ERGIC3: variants seen among roughly 807,000 people sequenced by gnomAD.
The protein encoded by ERGIC3 is endoplasmic reticulum-Golgi intermediate compartment protein 3.
Under a neutral mutation model 54.7 loss-of-function variants are expected in ERGIC3, and 33 were observed. The observed-to-expected ratio is 0.60, with a 90% confidence interval of 0.46 to 0.81. The LOEUF is 0.81. ERGIC3 is among the 30% of genes least tolerant of loss of function. The probability of loss-of-function intolerance (pLI) is 0.00; values close to 1 mark genes in which losing one functional copy is unlikely to be tolerated. For synonymous variants in ERGIC3, 186 were observed against 189.8 expected (o/e 0.98, Z 0.16); for missense variants, 399 against 488.4 (o/e 0.82, Z 1.73).
chr20:35,556,772 T>G, intron 10 of ERGIC3: 1 of 681,758 alleles, frequency 1.5e-6, no homozygotes, highest in Non-Finnish European at 2.5e-6. Context: ...ACTTGGCACC[T>G]GGAGGGGAAG....
intron 4 of ERGIC3, chr20:35,544,014 C>CTA (rs1368054382): frequency 0.047 from 934 of 20,076 alleles, 6 homozygotes; most frequent in Non-Finnish European, 0.058. Context: ...GAAGAATCTA[C>CTA]TATCTATCTA....
At chr20:35,554,794 A>T (rs2064702241) in intron 7 of ERGIC3, 2 of 607,166 alleles carry the variant, frequency 3.3e-6, no homozygotes, top group African/African-American at 3.7e-5. Flanking sequence ...GTCAAGGCAT[A>T]GAGTTCCCTG....
Position 35,547,515 on chromosome 20 carries a change from C to G in ERGIC3, c.461+10C>G, listed in dbSNP as rs224414. On this transcript the variant is annotated intron_variant, in intron 5 of 12. Transcript: ENST00000348547. ...AGGCAGAAGATATCAAGTGAGCTGG[C>G]GGGGAGCGGGAGCAGGGTTCCCATC... is the stretch of plus-strand genomic sequence containing the variant. 1,607,156 of 1,612,650 alleles carry G rather than the reference C, an allele frequency of 1. 800,987 individuals are homozygous for G. Among genetic ancestry groups the G allele is most frequent in the Non-Finnish European group, 1 (1,178,670 of 1,178,964 alleles).
intron 7 of ERGIC3, among the ~76,000 whole-genome samples, chr20:35,551,742 C>T (rs926384411): frequency 6.6e-6 from 1 of 152,214 alleles, no homozygotes; most frequent in Non-Finnish European, 1.5e-5. Flanking sequence ...TCAGATGCTT[C>T]TGGATGTCAA....
In ERGIC3 at chr20:35,542,525, C is replaced by G. The variant is rs1294409247; in HGVS notation, c.172C>G (p.Leu58Val). ...AGCGCTGCCCCAGGTGCATCCTGAG[C>G]TCTACGTGGACAAGTCGCGGGGAGA... ...YYLTTEVHPE[L>V]YVDKSRGDKL... Residue 58 changes from leucine (L) to valine (V), a missense_variant, in exon 3 of 13, where the codon CTC (leucine) becomes GTC (valine). Leu to Val is a conservative substitution (Grantham distance 32). Transcript: ENST00000348547. 2 of 1,613,842 alleles carry G rather than the reference C, an allele frequency of 1.2e-6. No individual in the cohort carries two copies. Among genetic ancestry groups the G allele is most frequent in the East Asian group, 2.2e-5 (1 of 44,882 alleles).
chr20:35,554,307 C>T, intron 7 of ERGIC3: 2 of 1,598,506 alleles, frequency 1.3e-6, no homozygotes, highest in Non-Finnish European at 1.7e-6. Flanking sequence ...ACATATCTTG[C>T]TCTCATAGTT....
chr20:35,555,049 G>A lies in ERGIC3; in HGVS notation c.691G>A (p.Asp231Asn). Residue 231 changes from aspartate to asparagine, a missense_variant, in exon 8 of 13, where the codon GAC becomes AAC. Transcript: ENST00000348547. ...SFQQSHVHVHDLQSFGLDNIN... is the reference protein window; with the variant it reads ...SFQQSHVHVHNLQSFGLDNIN... ...CCTTCTCCCTTCTCTCCTAGTCCAT[G>A]ACTTGCAGAGCTTTGGCCTTGACAA... is the stretch of plus-strand genomic sequence containing the variant. The A allele has an allele frequency of 6.2e-7, 1 of 1,612,168 alleles. No homozygotes were observed. The highest frequency in any genetic ancestry group is 8.5e-7 in the Non-Finnish European group (1 of 1,179,112).
At chr20:35,553,171 ATT>A (rs61579080) in intron 7 of ERGIC3, among the ~76,000 whole-genome samples, 4 of 127,364 alleles carry the variant, frequency 3.1e-5, no homozygotes, top group Non-Finnish European at 3.2e-5. Flanking sequence ...TGCCTGGCTA[ATT>A]TTTTTTTTTT....
intron 10 of ERGIC3, 61 bp downstream of exon 10, chr20:35,556,332 A>G (rs375652868): frequency 4.5e-6 from 7 of 1,572,754 alleles, no homozygotes; most frequent in Middle Eastern, 1.7e-4. Context: ...GAGTTCCTGC[A>G]TTTCGTTCCG....
intron 4 of ERGIC3, chr20:35,544,578 G>A: frequency 3.8e-6 from 1 of 261,352 alleles, no homozygotes; most frequent in South Asian, 5.7e-5. Context: ...TAACACCATG[G>A]CGTGCCGCTC....
At chr20:35,546,722 TG>T (rs1208884693) in intron 4 of ERGIC3, among the ~76,000 whole-genome samples, 1 of 152,128 alleles carries the variant, frequency 6.6e-6, no homozygotes, top group Non-Finnish European at 1.5e-5. Flanking sequence ...AAAGAATTGG[TG>T]GATTTCGGGT....
Position 35,543,098 on chromosome 20 carries a change from C to CA in ERGIC3, c.367+158dup, listed in dbSNP as rs1259343405. 4 of 1,007,822 alleles carry CA rather than the reference C, an allele frequency of 4.0e-6. No homozygotes were observed. The African/African-American group carries it at 6.4e-5, about 16-fold the overall frequency. 62.4% of individuals were successfully genotyped at this position (1,007,822 alleles called of 1,614,324 possible). ...CTAGGGTCCCCCAGCTAGTAAGAGT[C>CA]AGAGTGAGCTAAAATCCTCTATACA... On this transcript the variant is annotated intron_variant, in intron 4 of 12. Coordinates refer to ENST00000348547, the MANE Select transcript of ERGIC3 (RefSeq NM_015966.3).
intron 7 of ERGIC3, 190 bp from the exon 8 acceptor site, chr20:35,554,854 C>A: frequency 1.4e-6 from 1 of 701,984 alleles, no homozygotes; most frequent in Non-Finnish European, 2.6e-6. Flanking sequence ...CTGAGGAGGG[C>A]GTGAACTCTC....
At chr20:35,554,936 T>C (rs753274405) in intron 7 of ERGIC3, 108 bp from the exon 8 acceptor site, 9 of 1,317,508 alleles carry the variant, frequency 6.8e-6, no homozygotes, top group South Asian at 2.4e-5. Flanking sequence ...GGAGAAGGAA[T>C]GAGGGGCAGA....
chr20:35,547,024 G>T (rs1390030570), intron 4 of ERGIC3, among the ~76,000 whole-genome samples: 1 of 152,146 alleles, frequency 6.6e-6, no homozygotes, highest in African/African-American at 2.4e-5. Flanking sequence ...ATACACGTTG[G>T]AATTAGCTGA....
rs1448618430 is a variant in ERGIC3, at chr20:35,556,256, G to C, written c.864G>C (p.Met288Ile). The C allele has an allele frequency of 1.2e-6, 2 of 1,614,042 alleles. No individual in the cohort carries two copies. Among genetic ancestry groups the C allele is most frequent in the Admixed American group, 3.3e-5 (2 of 59,998 alleles). ...YFVKVVPTVY[M>I]KVDGEVLRTN... ...TGAAGGTGGTGCCCACTGTGTACATGAAGGTGGACGGAGAGGTGAGTCAGG... is the reference window on the plus strand; with the variant it reads ...TGAAGGTGGTGCCCACTGTGTACATCAAGGTGGACGGAGAGGTGAGTCAGG... Residue 288 changes from methionine to isoleucine, a missense_variant, in exon 10 of 13, where the codon ATG (methionine) becomes ATC (isoleucine). Coordinates refer to ENST00000348547, the MANE Select transcript of ERGIC3 (RefSeq NM_015966.3).
chr20:35,549,410 GATTT>G (rs2064669820), intron 7 of ERGIC3: 1 of 358,228 alleles, frequency 2.8e-6, no homozygotes, highest in African/African-American at 2.2e-5. Context: ...GAACAAATGA[GATTT>G]ATTCTCATTC....
rs950742082 is a variant in ERGIC3 at position 35,549,011 on chromosome 20, A to T, written c.685+146A>T. ...TCATCTCAGGGCAGCAGTTTGGCACAGTGGCTAAGAGCACAGGCCGAGGAG... is the reference window on the plus strand; with the variant it reads ...TCATCTCAGGGCAGCAGTTTGGCACTGTGGCTAAGAGCACAGGCCGAGGAG... On this transcript the variant is annotated intron_variant, in intron 7 of 12. Coordinates refer to ENST00000348547, the MANE Select transcript of ERGIC3 (RefSeq NM_015966.3). The T allele has an allele frequency of 1.5e-5, 13 of 884,802 alleles. No individual in the cohort carries two copies. In the South Asian group the frequency reaches 1.6e-4, roughly 11 times the overall value. 54.8% of individuals were successfully genotyped at this position (884,802 alleles called of 1,614,324 possible).
intron 7 of ERGIC3, chr20:35,549,230 G>GC (rs1289407277): frequency 2.1e-5 from 10 of 474,670 alleles, no homozygotes; most frequent in Admixed American, 7.0e-5. Context: ...TGAAATGGTA[G>GC]CCCCCCGTGT....
Sources: gnomAD v4.1 joint callset for allele counts (sites outside exome capture counted in the v4.1 genomes callset) on GRCh38, gnomAD v4.1.1 for gene constraint, MANE v1.5 for transcripts, NCBI Gene and HGNC (gene_info 2026-07-23, HGNC 2026-07-21) for gene names.